PRTFDC1: variants seen among roughly 807,000 people sequenced by gnomAD.
The protein encoded by PRTFDC1 is phosphoribosyl transferase domain containing 1, also known as phosphoribosyltransferase domain-containing protein 1.
In PRTFDC1, 38 loss-of-function variants were observed where a neutral mutation model predicts 34.6. The ratio of observed to expected loss-of-function variants is 1.10; its 90% CI spans 0.85 to 1.44. The LOEUF (loss-of-function observed/expected upper bound fraction) is 1.44, where lower values mean the gene tolerates loss of function less well. PRTFDC1 is among the 40% of genes most tolerant of loss of function. The probability of loss-of-function intolerance (pLI) is 0.00; values close to 1 mark genes in which losing one functional copy is unlikely to be tolerated. For synonymous variants in PRTFDC1, 93 were observed against 98.1 expected (o/e 0.95, Z 0.31); for missense variants, 270 against 283.0 (o/e 0.95, Z 0.33).
intron 3 of PRTFDC1, among the ~76,000 whole-genome samples, chr10:24,917,085 G>A (rs1848707188): frequency 6.6e-6 from 1 of 152,170 alleles, no homozygotes; most frequent in Admixed American, 6.5e-5. Flanking sequence ...TCTTTTCAAT[G>A]ACCCAAGGAG....
At chr10:24,908,472 G>A (rs1282095225) in intron 3 of PRTFDC1, 1 of 1,605,876 alleles carries the variant, frequency 6.2e-7, no homozygotes. Context: ...AATGGTCCAG[G>A]TGCTACTGTA....
intron 4 of PRTFDC1, among the ~76,000 whole-genome samples, chr10:24,866,792 A>G (rs529429953): frequency 2.0e-5 from 3 of 148,398 alleles, no homozygotes; most frequent in African/African-American, 7.6e-5. Context: ...AAAAGAAAGA[A>G]AGAGAGAGAG....
At chr10:24,865,163 T>C (rs557765366) in intron 4 of PRTFDC1, among the ~76,000 whole-genome samples, 39 of 152,182 alleles carry the variant, frequency 2.6e-4, no homozygotes, top group African/African-American at 9.2e-4. Flanking sequence ...ACATGGAGAC[T>C]GGCATCTAGT....
intron 3 of PRTFDC1, among the ~76,000 whole-genome samples, chr10:24,897,866 TAGC>T (rs1459931577): frequency 6.6e-6 from 1 of 152,194 alleles, no homozygotes; most frequent in Admixed American, 6.5e-5. Context: ...CATGTGGTCT[TAGC>T]AGCAAGTCTA....
Position 24,882,204 on chromosome 10 carries a change from C to CAA in PRTFDC1, c.340-10143_340-10142dup, listed in dbSNP as rs10651020. On this transcript the variant is annotated intron_variant, in intron 3 of 8. Transcript: ENST00000320152. ...CCTGGGTGACAGAGCGGATCTGCCT[C>CAA]AAAAAAAAAAAAAAAGAAAAGAAAA... Among the ~76,000 whole-genome samples, 4 of 107,514 alleles carry CAA rather than the reference C, an allele frequency of 3.7e-5. 1 individual carries two copies. Among genetic ancestry groups the CAA allele is most frequent in the Admixed American group, 1.0e-4 (1 of 9,846 alleles). The allele number at this position is 107,514 out of a possible 152,430, so 70.5% of individuals were successfully genotyped here.
At chr10:24,884,592 T>G (rs1342033551) in intron 3 of PRTFDC1, among the ~76,000 whole-genome samples, 1 of 152,214 alleles carries the variant, frequency 6.6e-6, no homozygotes, top group African/African-American at 2.4e-5. Context: ...TTGTTGCTGT[T>G]TTTCTTTTTG....
At chr10:24,866,982 TA>T (rs1024477282) in intron 4 of PRTFDC1, among the ~76,000 whole-genome samples, 41 of 144,804 alleles carry the variant, frequency 2.8e-4, no homozygotes, top group African/African-American at 8.7e-4. Flanking sequence ...ATGTTTTATT[TA>T]AAAAAAAGAA....
At chr10:24,861,314 A>G (rs1310676680) in intron 4 of PRTFDC1, among the ~76,000 whole-genome samples, 1 of 152,128 alleles carries the variant, frequency 6.6e-6, no homozygotes, top group Non-Finnish European at 1.5e-5. Flanking sequence ...CAGCCTGGCC[A>G]GTATATTGAA....
intron 3 of PRTFDC1, among the ~76,000 whole-genome samples, chr10:24,913,749 C>T (rs1322213644): frequency 6.6e-6 from 1 of 152,054 alleles, no homozygotes; most frequent in Non-Finnish European, 1.5e-5. Context: ...ACTTTAGAAT[C>T]CATTTACCTC....
At position 24,937,358 on chromosome 10, in the gene PRTFDC1, C is replaced by A; in HGVS notation, c.165G>T (p.Arg55=). ...PHGIIVDRIE[R]LAKDIMKDIG... is the part of the protein sequence containing the mutation. Reference sequence around the variant, plus strand: ...TGTCTTTCATAATATCCTTGGCCAGCCGCTCAATTCTGAAAGAAGGATAAA... The same window carrying A: ...TGTCTTTCATAATATCCTTGGCCAGACGCTCAATTCTGAAAGAAGGATAAA... The change falls in exon 3 of 9, where the codon CGG becomes CGT. Residue 55 remains arginine, a synonymous_variant. Transcript: ENST00000320152. 6.2e-7 allele frequency: 1 copy of A among 1,605,686 alleles called. No homozygotes were observed. Among genetic ancestry groups the A allele is most frequent in the East Asian group, 2.2e-5 (1 of 44,772 alleles).
intron 3 of PRTFDC1, among the ~76,000 whole-genome samples, chr10:24,930,431 G>GA (rs112355133): frequency 0.011 from 1,652 of 151,792 alleles, 36 homozygotes; most frequent in African/African-American, 0.038. Context: ...AAACATTTCA[G>GA]AAAAAAAAGC....
intron 3 of PRTFDC1, among the ~76,000 whole-genome samples, chr10:24,919,154 T>C (rs1441222800): frequency 6.6e-6 from 1 of 152,196 alleles, no homozygotes; most frequent in African/African-American, 2.4e-5. Flanking sequence ...AATTCAACTT[T>C]TAAAATCCTA....
At chr10:24,859,955 C>A (rs1276462997) in intron 4 of PRTFDC1, among the ~76,000 whole-genome samples, 5 of 152,172 alleles carry the variant, frequency 3.3e-5, no homozygotes, top group African/African-American at 9.7e-5. Flanking sequence ...GTTAATGCTG[C>A]CCCACCAAAT....
intron 3 of PRTFDC1, among the ~76,000 whole-genome samples, chr10:24,885,658 G>A (rs571068149): frequency 2.6e-5 from 4 of 152,208 alleles, no homozygotes; most frequent in South Asian, 2.1e-4. Context: ...TGCCTGCCTC[G>A]GCTTCCCAAG....
intron 3 of PRTFDC1, among the ~76,000 whole-genome samples, chr10:24,896,108 G>T (rs935571849): frequency 5.9e-5 from 9 of 152,176 alleles, no homozygotes; most frequent in Non-Finnish European, 1.0e-4. Context: ...TAGAACAGGG[G>T]TCCCCAAACC....
At chr10:24,938,410 G>A (rs1030081347) in intron 2 of PRTFDC1, among the ~76,000 whole-genome samples, 2 of 152,140 alleles carry the variant, frequency 1.3e-5, no homozygotes, top group Non-Finnish European at 2.9e-5. Flanking sequence ...CCTGAACACT[G>A]GGTGGAAACA....
intron 3 of PRTFDC1, among the ~76,000 whole-genome samples, chr10:24,896,018 A>G (rs1489356948): frequency 6.6e-6 from 1 of 152,096 alleles, no homozygotes; most frequent in Non-Finnish European, 1.5e-5. Flanking sequence ...CTTTGGCCAC[A>G]TGGTGCTCCC....
At chr10:24,878,119 A>T (rs1183952219) in intron 3 of PRTFDC1, among the ~76,000 whole-genome samples, 1 of 152,064 alleles carries the variant, frequency 6.6e-6, no homozygotes, top group East Asian at 1.9e-4. Context: ...CTAAAAATAC[A>T]AAAAGTAGCC....
chr10:24,900,535 A>C (rs1463822892), intron 3 of PRTFDC1, among the ~76,000 whole-genome samples: 1 of 152,246 alleles, frequency 6.6e-6, no homozygotes, highest in East Asian at 1.9e-4. Flanking sequence ...TTGAGTGGAA[A>C]CAGAGGGAGA....
Sources: allele counts gnomAD v4.1 joint callset (sites outside exome capture counted in the v4.1 genomes callset), GRCh38; gene constraint gnomAD v4.1.1; transcripts MANE v1.5; gene names NCBI Gene and HGNC (gene_info 2026-07-23, HGNC 2026-07-21).